The following NBPF15 variants were observed in gnomAD, a reference collection of about 807,000 sequenced individuals.
The protein encoded by NBPF15 is NBPF family member NBPF15.
In NBPF15, 74 loss-of-function variants were observed where a neutral mutation model predicts 62.2. The ratio of observed to expected loss-of-function variants is 1.19; its 90% CI spans 0.99 to 1.44. The LOEUF is 1.44. NBPF15 is among the 40% of genes most tolerant of loss of function. The probability of loss-of-function intolerance (pLI) is 0.00; values close to 1 mark genes in which losing one functional copy is unlikely to be tolerated. For synonymous variants in NBPF15, 244 were observed against 209.7 expected (o/e 1.16, Z -1.41); for missense variants, 790 against 550.0 (o/e 1.44, Z -4.36).
At chr1:144,445,560 CA>C (rs2102460639) in intron 6 of NBPF15, among the ~76,000 whole-genome samples, 1 of 148,700 alleles carries the variant, frequency 6.7e-6, no homozygotes, top group Non-Finnish European at 1.5e-5. Flanking sequence ...GTAGTGAATT[CA>C]TTCGCCATTA....
chr1:144,424,913 C>A (rs1429584991), intron 19 of NBPF15, 51 bp from the exon 20 acceptor site: 18 of 531,382 alleles, frequency 3.4e-5, no homozygotes, highest in Middle Eastern at 4.9e-4. Context: ...TCAGACACAA[C>A]AGAGCCCCAA....
Position 144,454,951 on chromosome 1 carries a change from G to C in NBPF15, c.-432+1586C>G, listed in dbSNP as rs868937179. 3.6e-4 allele frequency among the ~76,000 whole-genome samples: 54 copies of C among 151,486 alleles called. 3 individuals carry two copies. Among genetic ancestry groups the C allele is most frequent in the Middle Eastern group, 6.8e-3 (2 of 294 alleles). ...GACAGAAGCAGCTCCAGAGGTTTTGGTAAGTAATGTAGATTTCAGTGCAGT... is the reference window on the plus strand; with the variant it reads ...GACAGAAGCAGCTCCAGAGGTTTTGCTAAGTAATGTAGATTTCAGTGCAGT... On this transcript the variant is annotated intron_variant, in intron 4 of 21. Coordinates refer to ENST00000581897, the MANE Select transcript of NBPF15 (RefSeq NM_001385408.1).
At position 144,437,109 on chromosome 1, in the gene NBPF15, C is replaced by A. The variant is rs1456867265; in HGVS notation, c.279G>T (p.Arg93Ser). The A allele has an allele frequency of 6.2e-7, 1 of 1,604,616 alleles. No homozygotes were observed. Among genetic ancestry groups the A allele is most frequent in the Non-Finnish European group, 8.5e-7 (1 of 1,173,274 alleles). The change falls in exon 10 of 22, where the codon AGG becomes AGT. Residue 93 changes from arginine (R) to serine (S), a missense_variant and splice_region_variant. By Grantham distance (110) the Arg-to-Ser change is moderately radical (BLOSUM62 -1). Transcript: ENST00000581897. ...GAGCGTGAACCAGGACTTTATATTG[C>A]CTAAGGTGAGACGGTAGAGAAAATT... ...AEQLKQAEEL[R>S]QYKVLVHAQE...
intron 4 of NBPF15, among the ~76,000 whole-genome samples, chr1:144,456,052 G>A (rs587665179): frequency 6.6e-6 from 1 of 151,822 alleles, no homozygotes; most frequent in Non-Finnish European, 1.5e-5. Context: ...CCCCATCCTG[G>A]ACACATCTAG....
chr1:144,453,471 A>G (rs1692447751), intron 4 of NBPF15, among the ~76,000 whole-genome samples: 1 of 151,730 alleles, frequency 6.6e-6, no homozygotes, highest in South Asian at 2.1e-4. Flanking sequence ...TGAAAAAAAA[A>G]TTAAGTTGAG....
intron 6 of NBPF15, among the ~76,000 whole-genome samples, chr1:144,445,354 T>TAC (rs57409765): frequency 0.042 from 4,361 of 104,270 alleles, 152 homozygotes; most frequent in Middle Eastern, 0.089. Context: ...TATATATATA[T>TAC]ACACACACAC....
At chr1:144,430,347 C>A (rs1166861125) in intron 13 of NBPF15, among the ~76,000 whole-genome samples, 6 of 151,804 alleles carry the variant, frequency 4.0e-5, no homozygotes, top group Non-Finnish European at 8.8e-5. Context: ...ATACTACCAA[C>A]AAATAGGAAG....
chr1:144,426,568 A>T, intron 17 of NBPF15, 118 bp from the exon 18 acceptor site: 2 of 718,540 alleles, frequency 2.8e-6, no homozygotes, highest in Non-Finnish European at 2.6e-6. Context: ...CGGATCCATT[A>T]ATGAGGTAAT....
chr1:144,426,924 A>T, intron 17 of NBPF15, 123 bp downstream of exon 17: 1 of 592,976 alleles, frequency 1.7e-6, no homozygotes, highest in Non-Finnish European at 3.0e-6. Flanking sequence ...ACCAACAGCA[A>T]TGTCAGGAGG....
chr1:144,451,670 A>C (rs1311401180), intron 4 of NBPF15, among the ~76,000 whole-genome samples: 1 of 151,652 alleles, frequency 6.6e-6, no homozygotes, highest in Non-Finnish European at 1.5e-5. Context: ...GCACACCCTG[A>C]ACAGCCCTTA....
chr1:144,422,857 G>T lies in NBPF15; in HGVS notation c.*156C>A, dbSNP rs1259019719. On this transcript the variant is annotated 3_prime_UTR_variant, in exon 22 of 22. Transcript: ENST00000581897. ...TCCATTGTCTTCAGATTGAGCACAG[G>T]TTGCCAATGGCATGGTTTGAGAATA... 7.7e-6 allele frequency: 12 copies of T among 1,561,814 alleles called. No homozygotes were observed. In the African/African-American group the frequency reaches 1.1e-4, roughly 14 times the overall value.
intron 4 of NBPF15, among the ~76,000 whole-genome samples, chr1:144,453,662 A>AAAAAAAAAAAAG (rs1165682772): frequency 1.2e-5 from 1 of 86,782 alleles, no homozygotes; most frequent in Non-Finnish European, 2.4e-5. Context: ...AAAAAAAAAA[A>AAAAAAAAAAAAG]GTGAAACATC....
chr1:144,438,857 C>G (rs1680694012), intron 8 of NBPF15, among the ~76,000 whole-genome samples: 1 of 151,918 alleles, frequency 6.6e-6, no homozygotes, highest in Non-Finnish European at 1.5e-5. Flanking sequence ...GTACACTGCA[C>G]TGTTATCTCC....
At chr1:144,439,511 C>A (rs1681262649) in intron 8 of NBPF15, among the ~76,000 whole-genome samples, 2 of 151,972 alleles carry the variant, frequency 1.3e-5, no homozygotes, top group Admixed American at 6.6e-5. Context: ...TCTGCAGGAT[C>A]TTATATGGTA....
chr1:144,450,754 TA>T lies in NBPF15; in HGVS notation c.-333+17del. On this transcript the variant is annotated intron_variant, in intron 5 of 21. Transcript: ENST00000581897. ...CAACCAATCAATGAAAGAACTACAG[TA>T]AAAATATTGCCCTCACCTTTATGTG... 1.6e-6 allele frequency: 1 copy of T among 629,722 alleles called. No homozygotes were observed. Among genetic ancestry groups the T allele is most frequent in the Non-Finnish European group, 2.0e-6 (1 of 506,448 alleles). 39.0% of individuals were successfully genotyped at this position (629,722 alleles called of 1,614,324 possible).
intron 13 of NBPF15, among the ~76,000 whole-genome samples, chr1:144,431,435 T>C (rs1440790966): frequency 1.3e-4 from 20 of 150,478 alleles, no homozygotes; most frequent in East Asian, 3.9e-4. Context: ...TCTTTTTTTT[T>C]CCATATGTAT....
chr1:144,445,802 ATTTTTTGTAGTT>A (rs1687084315), intron 6 of NBPF15, among the ~76,000 whole-genome samples: 1 of 144,880 alleles, frequency 6.9e-6, no homozygotes, highest in African/African-American at 2.6e-5. Flanking sequence ...TCTCAAAGCA[ATTTTTTGTAGTT>A]TTTGGTGTAC....
chr1:144,461,398 G>A lies in NBPF15; in HGVS notation c.-955C>T, dbSNP rs1341651140. ...GGACTCACCGCCCGCCCGGCCTGGC[G>A]CGGCGCCTTCACCTCGGAAACGCTG... On this transcript the variant is annotated 5_prime_UTR_variant, in exon 1 of 22. Transcript: ENST00000581897. The A allele has an allele frequency of 5.9e-5, 9 of 151,826 alleles. No homozygotes were observed. In the East Asian group the frequency reaches 1.8e-3, roughly 30 times the overall value. The allele number at this position is 151,826 out of a possible 1,614,324, so 9.4% of individuals were successfully genotyped here.
At chr1:144,444,926 T>A (rs1686189198) in intron 6 of NBPF15, among the ~76,000 whole-genome samples, 1 of 151,960 alleles carries the variant, frequency 6.6e-6, no homozygotes. Flanking sequence ...TTGTGTTATG[T>A]TTAACCTTTA....
Sources: allele counts gnomAD v4.1 joint callset (sites outside exome capture counted in the v4.1 genomes callset), GRCh38; gene constraint gnomAD v4.1.1; transcripts MANE v1.5; gene names NCBI Gene and HGNC (gene_info 2026-07-23, HGNC 2026-07-21).